The following PDGFD variants were observed in gnomAD, a reference collection of about 807,000 sequenced individuals.
PDGFD encodes the protein platelet derived growth factor D.
PDGFD carries 30 observed loss-of-function variants against 44.7 expected under a neutral mutation model. The observed-to-expected ratio is 0.67, with a 90% CI of 0.50 to 0.91. The LOEUF is 0.91. Among genes scored for constraint, PDGFD ranks in the 40% least tolerant of loss-of-function variants. The probability of loss-of-function intolerance (pLI) is 0.00; values close to 1 mark genes in which losing one functional copy is unlikely to be tolerated. For missense variants in PDGFD, 445 were observed against 457.8 expected, an observed-to-expected ratio of 0.97 and a Z score of 0.25; for synonymous variants, 173 against 168.4, an observed-to-expected ratio of 1.03 and a Z score of -0.21.
At position 103,995,210 on chromosome 11, in the gene PDGFD, T is replaced by C. The variant is rs147047209; in HGVS notation, c.510+855A>G. ...GCTGCTTTTTAGTTTTTGGCATCTC[T>C]ACCCGACTTTAAGCTCCAGACGGTT... is the stretch of plus-strand genomic sequence containing the variant. On this transcript the variant is annotated intron_variant, in intron 3 of 6. Transcript: ENST00000393158. Among the ~76,000 whole-genome samples, 91 of 152,280 alleles carry C rather than the reference T, an allele frequency of 6.0e-4. 1 individual carries two copies. Among genetic ancestry groups the C allele is most frequent in the African/African-American group, 2.1e-3 (89 of 41,558 alleles).
At chr11:104,071,149 G>A (rs1341881361) in intron 1 of PDGFD, among the ~76,000 whole-genome samples, 1 of 151,784 alleles carries the variant, frequency 6.6e-6, no homozygotes. Flanking sequence ...TAAGTGTATA[G>A]TACTACTAAC....
At chr11:103,951,353 C>T (rs1245601485) in intron 3 of PDGFD, among the ~76,000 whole-genome samples, 1 of 152,178 alleles carries the variant, frequency 6.6e-6, no homozygotes, top group Non-Finnish European at 1.5e-5. Context: ...ATCTCTTCCG[C>T]CATAACCTCC....
Position 104,020,073 on chromosome 11 carries a change from A to G in PDGFD, c.125-19818T>C, listed in dbSNP as rs1414347560. Reference sequence around the variant, plus strand: ...AACACCAATGAGTAAATAAACACCAAACAAATTTCTAGGCAGCAAACATTT... The same window carrying G: ...AACACCAATGAGTAAATAAACACCAGACAAATTTCTAGGCAGCAAACATTT... On this transcript the variant is annotated intron_variant, in intron 1 of 6. Coordinates refer to ENST00000393158, the MANE Select transcript of PDGFD (RefSeq NM_025208.5). 5.3e-5 allele frequency among the ~76,000 whole-genome samples: 8 copies of G among 152,296 alleles called. No individual in the cohort carries two copies. In the East Asian group the frequency reaches 1.5e-3, roughly 29 times the overall value.
intron 5 of PDGFD, among the ~76,000 whole-genome samples, chr11:103,940,171 T>C (rs1330464962): frequency 2.0e-5 from 3 of 152,018 alleles, no homozygotes. Context: ...TTCTACTAAA[T>C]AAAAAGAAGC....
At chr11:104,077,914 T>A (rs577328573) in intron 1 of PDGFD, among the ~76,000 whole-genome samples, 1 of 152,238 alleles carries the variant, frequency 6.6e-6, no homozygotes, top group South Asian at 2.1e-4. Flanking sequence ...AAGGGGAAAA[T>A]GTACAGACCT....
chr11:103,995,773 C>G (rs1167687602), intron 3 of PDGFD, among the ~76,000 whole-genome samples: 3 of 152,214 alleles, frequency 2.0e-5, no homozygotes, highest in Non-Finnish European at 4.4e-5. Context: ...GTTTACCTTG[C>G]ATCAGTTGAA....
chr11:104,044,623 A>T (rs1591136713), intron 1 of PDGFD, among the ~76,000 whole-genome samples: 1 of 152,228 alleles, frequency 6.6e-6, no homozygotes, highest in Non-Finnish European at 1.5e-5. Context: ...GCTATCTACA[A>T]ATAAACCATT....
intron 1 of PDGFD, among the ~76,000 whole-genome samples, chr11:104,155,774 A>C (rs138248301): frequency 1.2e-3 from 179 of 152,330 alleles, no homozygotes; most frequent in African/African-American, 3.8e-3. Flanking sequence ...TTGTAAAAGC[A>C]GGTGGTTGCT....
rs1862433036 is a variant in PDGFD at position 104,164,105 on chromosome 11, T to A, written c.-178A>T. 2 of 536,970 alleles carry A rather than the reference T, an allele frequency of 3.7e-6. No individual in the cohort carries two copies. Among genetic ancestry groups the A allele is most frequent in the South Asian group, 8.6e-5 (2 of 23,178 alleles). The allele number at this position is 536,970 out of a possible 1,614,324, so 33.3% of individuals were successfully genotyped here. A position where few individuals can be genotyped will look rare whatever the true frequency, so the allele number is the denominator to read the frequency against. ...CTGCATGCTGAACTTTCCGAGCGCGTGTGGGTGCCGCACTTCCTTGTGGTG... is the reference window on the plus strand; with the variant it reads ...CTGCATGCTGAACTTTCCGAGCGCGAGTGGGTGCCGCACTTCCTTGTGGTG... On this transcript the variant is annotated 5_prime_UTR_variant, in exon 1 of 7. Coordinates refer to ENST00000393158, the MANE Select transcript of PDGFD (RefSeq NM_025208.5).
chr11:104,054,756 G>C (rs1032996533), intron 1 of PDGFD, among the ~76,000 whole-genome samples: 1 of 152,156 alleles, frequency 6.6e-6, no homozygotes, highest in Non-Finnish European at 1.5e-5. Context: ...TTTTAGATGA[G>C]AGATACTTAA....
chr11:104,068,003 G>A (rs1009314556), intron 1 of PDGFD, among the ~76,000 whole-genome samples: 1 of 152,124 alleles, frequency 6.6e-6, no homozygotes, highest in South Asian at 2.1e-4. Flanking sequence ...AAGTGAAAAG[G>A]AATAGAGTGT....
chr11:103,921,847 T>C, intron 6 of PDGFD, among the ~76,000 whole-genome samples: 1 of 68,924 alleles, frequency 1.5e-5, no homozygotes, highest in Admixed American at 1.1e-4. Context: ...AGTCACGGCC[T>C]TGTGTGGTAA....
intron 1 of PDGFD, 50 bp from the exon 2 acceptor site, chr11:104,000,305 GA>G (rs1859601355): frequency 6.7e-7 from 1 of 1,483,116 alleles, no homozygotes; most frequent in Non-Finnish European, 9.3e-7. Context: ...CCAATTACAG[GA>G]AAGTCAAAAA....
At chr11:104,103,529 G>T (rs1183541767) in intron 1 of PDGFD, among the ~76,000 whole-genome samples, 1 of 144,666 alleles carries the variant, frequency 6.9e-6, no homozygotes, top group African/African-American at 2.6e-5. Flanking sequence ...TATATGGAAG[G>T]ATCTACCCAA....
intron 1 of PDGFD, chr11:104,036,945 C>G (rs138352725): frequency 6.2e-7 from 1 of 1,614,198 alleles, no homozygotes; most frequent in Admixed American, 1.7e-5. Flanking sequence ...CCAGAGTCCC[C>G]GTCGAAGAGA....
intron 3 of PDGFD, among the ~76,000 whole-genome samples, chr11:103,984,801 T>TTAATATATTTATATTTATTTAATATA (rs1199234102): frequency 9.8e-5 from 14 of 142,970 alleles, no homozygotes; most frequent in African/African-American, 3.4e-4. Flanking sequence ...ATAATTATAT[T>TTAATATATTTATATTTATTTAATATA]TAATATATTT....
intron 1 of PDGFD, among the ~76,000 whole-genome samples, chr11:104,017,883 C>T (rs947756500): frequency 6.6e-6 from 1 of 152,132 alleles, no homozygotes; most frequent in African/African-American, 2.4e-5. Context: ...GCTAGAGTGG[C>T]TGTTTTGTAA....
chr11:104,024,179 T>C (rs892503160), intron 1 of PDGFD, among the ~76,000 whole-genome samples: 1 of 151,950 alleles, frequency 6.6e-6, no homozygotes, highest in Non-Finnish European at 1.5e-5. Flanking sequence ...TAAGTTTTTA[T>C]CTCGGGTTAT....
intron 1 of PDGFD, among the ~76,000 whole-genome samples, chr11:104,040,148 T>C (rs1460509712): frequency 1.3e-5 from 2 of 152,132 alleles, no homozygotes; most frequent in South Asian, 2.1e-4. Flanking sequence ...CTTTTTAATA[T>C]ATGAAATGAG....
Sources: allele counts gnomAD v4.1 joint callset (sites outside exome capture counted in the v4.1 genomes callset), GRCh38; gene constraint gnomAD v4.1.1; transcripts MANE v1.5; gene names NCBI Gene and HGNC (gene_info 2026-07-23, HGNC 2026-07-21).